The following MED13L variants were observed in gnomAD, a reference collection of about 807,000 sequenced individuals.
MED13L encodes mediator complex subunit 13L.
In MED13L, 7 loss-of-function variants were observed where a neutral mutation model predicts 220.9. The ratio of observed to expected loss-of-function variants is 0.03; its 90% CI spans 0.02 to 0.06. The LOEUF (loss-of-function observed/expected upper bound fraction) is 0.06. Ranked by LOEUF, MED13L falls within the 10% of genes least tolerant of loss-of-function variation. The pLI is 1.00. For missense variants in MED13L, 1,965 were observed against 2,760.5 expected, an observed-to-expected ratio of 0.71 and a Z score of 6.46; for synonymous variants, 1,011 against 1,015.2, an observed-to-expected ratio of 1.00 and a Z score of 0.08.
chr12:115,991,669 C>T lies in MED13L; in HGVS notation c.3285G>A (p.Val1095=). The T allele has an allele frequency of 6.2e-7, 1 of 1,614,048 alleles. No homozygotes were observed. The highest frequency in any genetic ancestry group is 1.7e-5 in the Admixed American group (1 of 60,010). Residue 1095 remains valine (V), a synonymous_variant, in exon 17 of 31, where the codon GTG becomes GTA. Coordinates refer to ENST00000281928, the MANE Select transcript of MED13L (RefSeq NM_015335.5). This position sits in a 1 kb window ranked among gnomAD's most constrained non-coding sequence, Gnocchi z 7.7. ...TPSTTRPLNS[V]EPATMQPIPE... The stretch of plus-strand genomic sequence containing the variant: ...GAATTGGCTGCATGGTGGCGGGCTC[C>T]ACAGAGTTGAGGGGCCGTGTAGTAG...
Position 116,233,841 on chromosome 12 carries a change from C to G in MED13L, c.310+3627G>C, listed in dbSNP as rs373435418. ...CCACACGCATTAACAATTCCCCAGA[C>G]AGGAACCCAAGTGTTTATCCAAGTG... On this transcript the variant is annotated intron_variant, in intron 2 of 30. Transcript: ENST00000281928. 2.6e-5 allele frequency among the ~76,000 whole-genome samples: 4 copies of G among 152,296 alleles called. No homozygotes were observed. The South Asian group carries it at 8.3e-4, about 32-fold the overall frequency.
chr12:116,262,650 A>C (rs900245387), intron 1 of MED13L, among the ~76,000 whole-genome samples: 2 of 152,232 alleles, frequency 1.3e-5, no homozygotes, highest in African/African-American at 4.8e-5. Flanking sequence ...TCATTAGAAT[A>C]GTTTCCTAGA....
rs373042571 is a variant in MED13L, at chr12:116,012,753, G to A, written c.1280+44C>T. ...GCCAGGAGATGAATCAACAAGATGC[G>A]CCATCATTCGATCCATTACTATTTT... On this transcript the variant is annotated intron_variant, in intron 9 of 30. Coordinates refer to ENST00000281928, the MANE Select transcript of MED13L (RefSeq NM_015335.5). 144 of 1,317,034 alleles carry A rather than the reference G, an allele frequency of 1.1e-4. 2 individuals carry two copies. The South Asian group carries it at 1.4e-3, about 13-fold the overall frequency. The allele number at this position is 1,317,034 out of a possible 1,614,324, so 81.6% of individuals were successfully genotyped here. A position where few individuals can be genotyped will look rare whatever the true frequency, so the allele number is the denominator to read the frequency against.
intron 1 of MED13L, among the ~76,000 whole-genome samples, chr12:116,246,171 T>C (rs181865390): frequency 1.2e-4 from 18 of 147,590 alleles, no homozygotes; most frequent in African/African-American, 3.8e-4. Context: ...AAACTTTCTA[T>C]CAAATATGTG....
At chr12:116,052,012 C>A (rs1381142633) in intron 4 of MED13L, among the ~76,000 whole-genome samples, 1 of 152,066 alleles carries the variant, frequency 6.6e-6, no homozygotes, top group African/African-American at 2.4e-5. Context: ...TTTCTAACAG[C>A]AGCAGTGGTA....
intron 3 of MED13L, among the ~76,000 whole-genome samples, chr12:116,102,703 CTTTTTTCTTTTTTTTTT>C (rs1339186495): frequency 3.3e-4 from 21 of 63,204 alleles, no homozygotes; most frequent in African/African-American, 8.0e-4. Context: ...TTTTCTTTTT[CTTTTTTCTTTTTTTTTT>C]TTTTTTTTTT....
chr12:116,259,015 T>C (rs867905181), intron 1 of MED13L, among the ~76,000 whole-genome samples: 1 of 149,430 alleles, frequency 6.7e-6, no homozygotes, highest in South Asian at 2.1e-4. Flanking sequence ...TCCATAGAAA[T>C]GTAAACTGAC....
intron 2 of MED13L, chr12:116,174,794 G>A (rs1879928765): frequency 6.6e-6 from 1 of 152,290 alleles, no homozygotes; most frequent in Non-Finnish European, 1.5e-5. Flanking sequence ...CAGGCACAGT[G>A]GTTCACGCCT....
At chr12:116,236,650 A>C (rs1443976366) in intron 2 of MED13L, among the ~76,000 whole-genome samples, 1 of 152,212 alleles carries the variant, frequency 6.6e-6, no homozygotes, top group African/African-American at 2.4e-5. Context: ...TAATACCCTA[A>C]CTAAAGATTA....
intron 3 of MED13L, among the ~76,000 whole-genome samples, chr12:116,105,533 A>T (rs1873492447): frequency 6.6e-6 from 1 of 152,242 alleles, no homozygotes; most frequent in African/African-American, 2.4e-5. Context: ...GTATACTCTC[A>T]GATACTGAAA....
At chr12:116,226,036 C>A (rs1207018690) in intron 2 of MED13L, among the ~76,000 whole-genome samples, 3 of 151,012 alleles carry the variant, frequency 2.0e-5, no homozygotes, top group African/African-American at 7.3e-5. Context: ...CACAAAGCCA[C>A]TTCATCTTTA....
chr12:116,255,923 C>A (rs1593217275), intron 1 of MED13L, among the ~76,000 whole-genome samples: 1 of 152,148 alleles, frequency 6.6e-6, no homozygotes, highest in South Asian at 2.1e-4. Context: ...AGAGTAGGGA[C>A]GCTCAGCCAG....
intron 2 of MED13L, among the ~76,000 whole-genome samples, chr12:116,211,674 G>A (rs1349623493): frequency 6.6e-6 from 1 of 152,066 alleles, no homozygotes; most frequent in East Asian, 1.9e-4. Flanking sequence ...AAAAAAAACA[G>A]GATGGAAAAA....
chr12:115,998,441 G>A (rs949476269), intron 14 of MED13L, among the ~76,000 whole-genome samples: 4 of 152,298 alleles, frequency 2.6e-5, no homozygotes, highest in South Asian at 2.1e-4. Context: ...CAACTGTACC[G>A]TGCTGTGCTC....
At chr12:115,969,751 T>C (rs1440792866) in intron 27 of MED13L, among the ~76,000 whole-genome samples, 1 of 152,102 alleles carries the variant, frequency 6.6e-6, no homozygotes, top group Non-Finnish European at 1.5e-5. Flanking sequence ...CTCAAATTCC[T>C]GACCTCAAGG....
intron 1 of MED13L, among the ~76,000 whole-genome samples, chr12:116,276,101 G>T (rs1217292107): frequency 1.3e-5 from 2 of 152,164 alleles, no homozygotes; most frequent in Non-Finnish European, 2.9e-5. Context: ...AGAGTTGCTG[G>T]AGCCCTATAC....
intron 7 of MED13L, among the ~76,000 whole-genome samples, chr12:116,018,017 ATC>A (rs1879832270): frequency 6.6e-6 from 1 of 151,864 alleles, no homozygotes; most frequent in South Asian, 2.1e-4. Context: ...CCCACAAAAC[ATC>A]TGAGTAATTA....
intron 1 of MED13L, chr12:116,276,717 A>T (rs1225517166): frequency 4.1e-6 from 4 of 972,468 alleles, no homozygotes; most frequent in Non-Finnish European, 5.3e-6. Flanking sequence ...TTACGGGGGG[A>T]AAAAAAGGGG....
At chr12:116,234,063 T>C (rs1869835660) in intron 2 of MED13L, among the ~76,000 whole-genome samples, 1 of 152,156 alleles carries the variant, frequency 6.6e-6, no homozygotes, top group Non-Finnish European at 1.5e-5. Flanking sequence ...GTGAGGTTTC[T>C]TGGTAGGACG....
Sources: gnomAD v4.1 joint callset for allele counts (sites outside exome capture counted in the v4.1 genomes callset) on GRCh38, gnomAD v4.1.1 for gene constraint, Gnocchi (gnomAD v3.1) non-coding constraint, MANE v1.5 for transcripts, NCBI Gene and HGNC (gene_info 2026-07-23, HGNC 2026-07-21) for gene names.